Variants in NCKAP5 observed in about 807,000 individuals in gnomAD.
The protein encoded by NCKAP5 is NCK associated protein 5, also known as nck-associated protein 5.
In NCKAP5, 92 loss-of-function variants were observed where a neutral mutation model predicts 167.0. That is an observed-to-expected ratio of 0.55 (90% CI 0.47 to 0.66). The LOEUF (loss-of-function observed/expected upper bound fraction) is 0.66, where lower values mean the gene tolerates loss of function less well. Among genes scored for constraint, NCKAP5 ranks in the 30% least tolerant of loss-of-function variants. The probability of loss-of-function intolerance (pLI) is 0.00; values close to 1 mark genes in which losing one functional copy is unlikely to be tolerated. For synonymous variants in NCKAP5, 891 were observed against 877.4 expected (o/e 1.02, Z -0.27); for missense variants, 2,378 against 2,315.0 (o/e 1.03, Z -0.56).
chr2:133,414,364 A>G (rs1688971275), intron 3 of NCKAP5, among the ~76,000 whole-genome samples: 1 of 152,182 alleles, frequency 6.6e-6, no homozygotes, highest in Non-Finnish European at 1.5e-5. Context: ...TTTCCACATT[A>G]GAAACCTGTC....
chr2:133,488,368 C>G (rs1013664958), intron 3 of NCKAP5, among the ~76,000 whole-genome samples: 4 of 152,166 alleles, frequency 2.6e-5, no homozygotes, highest in African/African-American at 9.7e-5. Context: ...GGCTGTTGAT[C>G]AGACATTGAC....
chr2:132,793,036 C>G (rs1684197073), intron 12 of NCKAP5, among the ~76,000 whole-genome samples: 1 of 152,180 alleles, frequency 6.6e-6, no homozygotes, highest in Admixed American at 6.5e-5. Context: ...CGGAGTTTCA[C>G]TCTTGTTGCC....
At chr2:133,635,231 A>G in the NCKAP5 span, among the ~76,000 whole-genome samples, 1 of 152,154 alleles carries the variant, frequency 6.6e-6, no homozygotes, top group Non-Finnish European at 1.5e-5. Flanking sequence ...GGAAGGGGGA[A>G]TCTACAGGTT....
intron 4 of NCKAP5, among the ~76,000 whole-genome samples, chr2:133,274,496 A>G (rs962920748): frequency 2.6e-5 from 4 of 152,044 alleles, no homozygotes; most frequent in Admixed American, 2.0e-4. Context: ...TTATACACTC[A>G]ACTTACCAGC....
chr2:132,919,702 C>CA (rs1461562555), intron 8 of NCKAP5, among the ~76,000 whole-genome samples: 5 of 150,110 alleles, frequency 3.3e-5, no homozygotes, highest in South Asian at 4.2e-4. Flanking sequence ...AAAGATAAAG[C>CA]AAAAAAAGAA....
intron 13 of NCKAP5, among the ~76,000 whole-genome samples, chr2:132,787,261 T>C (rs900739349): frequency 6.0e-5 from 9 of 150,404 alleles, no homozygotes; most frequent in Non-Finnish European, 1.3e-4. Context: ...GGCAGGAGAA[T>C]CGCTTGAACC....
intron 6 of NCKAP5, among the ~76,000 whole-genome samples, chr2:133,081,002 A>G (rs2080784560): frequency 6.6e-6 from 1 of 152,126 alleles, no homozygotes; most frequent in Admixed American, 6.6e-5. Flanking sequence ...GAAGCAAAGA[A>G]GTGGGGCTCT....
intron 6 of NCKAP5, among the ~76,000 whole-genome samples, chr2:133,018,758 G>A (rs1410712770): frequency 6.6e-6 from 1 of 152,194 alleles, no homozygotes; most frequent in Non-Finnish European, 1.5e-5. Context: ...GCTTTTGGCA[G>A]ATACTCAGAG....
At chr2:133,094,890 G>C (rs2081297657) in intron 6 of NCKAP5, among the ~76,000 whole-genome samples, 4 of 152,098 alleles carry the variant, frequency 2.6e-5, no homozygotes, top group Admixed American at 2.6e-4. Flanking sequence ...ACGGAATGCA[G>C]ATGACCCCTA....
At chr2:132,828,097 G>A (rs1388672699) in intron 11 of NCKAP5, among the ~76,000 whole-genome samples, 2 of 152,160 alleles carry the variant, frequency 1.3e-5, no homozygotes, top group African/African-American at 4.8e-5. Flanking sequence ...AGACACTTCA[G>A]GTAAGGTACT....
At chr2:133,184,342 C>T (rs1296271581) in intron 5 of NCKAP5, among the ~76,000 whole-genome samples, 1 of 152,096 alleles carries the variant, frequency 6.6e-6, no homozygotes, top group Non-Finnish European at 1.5e-5. Context: ...GTATATGTAT[C>T]ATCTTTTCTT....
At chr2:133,647,376 A>AAAGGAAGGAAGGAAGG in the NCKAP5 span, among the ~76,000 whole-genome samples, 789 of 82,482 alleles carry the variant, frequency 9.6e-3, 23 homozygotes, top group Non-Finnish European at 0.013. Context: ...AGGAAGAAAG[A>AAAGGAAGGAAGGAAGG]AAGGAAGGAA....
chr2:133,304,443 T>G (rs894499042), intron 3 of NCKAP5, among the ~76,000 whole-genome samples: 6 of 152,220 alleles, frequency 3.9e-5, no homozygotes, highest in African/African-American at 1.4e-4. Flanking sequence ...TGAATAAACA[T>G]TTATTTTCAG....
intron 16 of NCKAP5, among the ~76,000 whole-genome samples, chr2:132,750,154 C>T (rs548151347): frequency 7.9e-5 from 12 of 152,278 alleles, no homozygotes; most frequent in African/African-American, 2.2e-4. Context: ...TGAAAGATGT[C>T]AAGGCTCAGG....
intron 16 of NCKAP5, 52 bp downstream of exon 16, chr2:132,773,764 A>G (rs1682297603): frequency 2.2e-6 from 3 of 1,369,006 alleles, no homozygotes; most frequent in Admixed American, 3.7e-5. Context: ...TGGAAGAAGG[A>G]TACATTTAGA....
chr2:132,905,860 C>T (rs1404168012), intron 8 of NCKAP5, among the ~76,000 whole-genome samples: 1 of 152,054 alleles, frequency 6.6e-6, no homozygotes, highest in Non-Finnish European at 1.5e-5. Flanking sequence ...ATATACTATG[C>T]CACTTGCAAA....
intron 3 of NCKAP5, among the ~76,000 whole-genome samples, chr2:133,474,027 T>C (rs1052719973): frequency 6.6e-6 from 1 of 152,176 alleles, no homozygotes; most frequent in Non-Finnish European, 1.5e-5. Context: ...TGTGCTCCCA[T>C]GTTTATTGCA....
At chr2:133,585,528 C>T in the NCKAP5 span, among the ~76,000 whole-genome samples, 1 of 152,200 alleles carries the variant, frequency 6.6e-6, no homozygotes, top group Admixed American at 6.5e-5. Flanking sequence ...TTCTTGTTTA[C>T]TATTCTCTTG....
At chr2:132,884,863 C>T (rs895430475) in intron 8 of NCKAP5, among the ~76,000 whole-genome samples, 4 of 152,310 alleles carry the variant, frequency 2.6e-5, no homozygotes, top group African/African-American at 4.8e-5. Context: ...CACAATATCA[C>T]GTTGCAAAAA....
Sources: allele counts gnomAD v4.1 joint callset (sites outside exome capture counted in the v4.1 genomes callset), GRCh38; gene constraint gnomAD v4.1.1; transcripts MANE v1.5; gene names NCBI Gene and HGNC (gene_info 2026-07-23, HGNC 2026-07-21).